Variants in SLC35F4 observed in about 807,000 individuals in gnomAD.
The protein encoded by SLC35F4 is chromosome 14 open reading frame 36.
Under a neutral mutation model 44.2 loss-of-function variants are expected in SLC35F4, and 24 were observed. That is an observed-to-expected ratio of 0.54 (90% CI 0.39 to 0.76). The LOEUF (loss-of-function observed/expected upper bound fraction) is 0.76. Ranked by LOEUF, SLC35F4 falls within the 30% of genes least tolerant of loss-of-function variation. The pLI, the probability that SLC35F4 is intolerant of heterozygous loss-of-function variation, is 0.00. For missense variants in SLC35F4, 562 were observed against 586.1 expected, an observed-to-expected ratio of 0.96 and a Z score of 0.42; for synonymous variants, 238 against 223.6, an observed-to-expected ratio of 1.06 and a Z score of -0.57.
At chr14:57,959,964 G>A (rs1890310185) in intron 1 of SLC35F4, among the ~76,000 whole-genome samples, 1 of 152,154 alleles carries the variant, frequency 6.6e-6, no homozygotes, top group Non-Finnish European at 1.5e-5. Flanking sequence ...CTCCTGCTGG[G>A]AATGGCTGGG....
intron 5 of SLC35F4, among the ~76,000 whole-genome samples, chr14:57,571,358 GCTT>G (rs1213842165): frequency 2.0e-5 from 3 of 152,202 alleles, no homozygotes; most frequent in Admixed American, 2.0e-4. Flanking sequence ...GAGAAAAAGA[GCTT>G]CTTCATTTTG....
chr14:57,730,942 C>T (rs563376749), intron 1 of SLC35F4, among the ~76,000 whole-genome samples: 21 of 152,124 alleles, frequency 1.4e-4, no homozygotes, highest in Non-Finnish European at 2.6e-4. Context: ...TCTCAGAATG[C>T]GCCCTGTGTT....
intron 1 of SLC35F4, among the ~76,000 whole-genome samples, chr14:57,900,104 G>A (rs931630781): frequency 8.5e-6 from 1 of 118,120 alleles, no homozygotes; most frequent in Non-Finnish European, 1.9e-5. Flanking sequence ...GCACTGATTG[G>A]TGCATTTTAC....
intron 1 of SLC35F4, among the ~76,000 whole-genome samples, chr14:57,675,992 G>A (rs993554294): frequency 1.3e-5 from 2 of 151,948 alleles, no homozygotes; most frequent in Non-Finnish European, 2.9e-5. Flanking sequence ...AAACTAAAAC[G>A]CTCAGCAAAG....
chr14:57,650,489 C>A (rs1366768559), intron 1 of SLC35F4, among the ~76,000 whole-genome samples: 1 of 152,126 alleles, frequency 6.6e-6, no homozygotes, highest in Admixed American at 6.6e-5. Context: ...GCCCAAAACA[C>A]ACCTCAACTA....
intron 1 of SLC35F4, among the ~76,000 whole-genome samples, chr14:57,730,044 G>A (rs1174474029): frequency 6.6e-6 from 1 of 152,136 alleles, no homozygotes; most frequent in Non-Finnish European, 1.5e-5. Context: ...CTCCCCATAG[G>A]GCACAGATGG....
chr14:57,641,583 G>T (rs1357887383), intron 1 of SLC35F4, among the ~76,000 whole-genome samples: 3 of 151,924 alleles, frequency 2.0e-5, no homozygotes, highest in Non-Finnish European at 4.4e-5. Context: ...CCACAAAATG[G>T]ATAAACTGGG....
chr14:57,618,939 G>T (rs566416489), intron 1 of SLC35F4, among the ~76,000 whole-genome samples: 2 of 152,240 alleles, frequency 1.3e-5, no homozygotes, highest in South Asian at 4.1e-4. Flanking sequence ...TTCGAACTGG[G>T]TGGAGCCCAC....
chr14:57,717,403 G>A (rs754086435), intron 1 of SLC35F4, among the ~76,000 whole-genome samples: 13 of 152,146 alleles, frequency 8.5e-5, no homozygotes, highest in African/African-American at 1.9e-4. Context: ...TTGGGAGGCC[G>A]AGACAGGCGG....
intron 1 of SLC35F4, among the ~76,000 whole-genome samples, chr14:57,689,861 A>T (rs1460387879): frequency 1.3e-5 from 2 of 152,152 alleles, no homozygotes; most frequent in African/African-American, 4.8e-5. Flanking sequence ...CGTTGTGCAC[A>T]GGTACCCTAA....
chr14:57,667,281 AG>A (rs1352900353), intron 1 of SLC35F4, among the ~76,000 whole-genome samples: 1 of 151,956 alleles, frequency 6.6e-6, no homozygotes, highest in Non-Finnish European at 1.5e-5. Context: ...ACGTTTTTAA[AG>A]GGAGTGTCAA....
At chr14:57,887,032 C>T (rs556358547) in intron 1 of SLC35F4, among the ~76,000 whole-genome samples, 9 of 152,300 alleles carry the variant, frequency 5.9e-5, no homozygotes, top group African/African-American at 2.2e-4. Context: ...CCCTCCACTT[C>T]CTAAAAACCA....
At chr14:57,795,075 G>T (rs535871923) in intron 1 of SLC35F4, among the ~76,000 whole-genome samples, 1 of 152,058 alleles carries the variant, frequency 6.6e-6, no homozygotes, top group Admixed American at 6.6e-5. Context: ...TCCTCAAAAG[G>T]TTGTAACTAG....
chr14:57,642,329 G>A (rs2073286232), intron 1 of SLC35F4, among the ~76,000 whole-genome samples: 1 of 151,872 alleles, frequency 6.6e-6, no homozygotes. Context: ...TTTCAGGGCT[G>A]ATTTTATATT....
At chr14:57,952,759 ACAAAACTTC>A (rs1417150732) in intron 1 of SLC35F4, among the ~76,000 whole-genome samples, 1 of 151,306 alleles carries the variant, frequency 6.6e-6, no homozygotes. Context: ...AAAGGAATGA[ACAAAACTTC>A]CAAGAAATAT....
At chr14:57,862,022 C>T (rs932788476) in intron 1 of SLC35F4, among the ~76,000 whole-genome samples, 6 of 152,162 alleles carry the variant, frequency 3.9e-5, no homozygotes, top group African/African-American at 1.4e-4. Flanking sequence ...TCTACATCTC[C>T]AATTACATTT....
intron 1 of SLC35F4, among the ~76,000 whole-genome samples, chr14:57,938,370 G>A (rs966778466): frequency 6.6e-6 from 1 of 152,184 alleles, no homozygotes; most frequent in Admixed American, 6.5e-5. Context: ...CAGTGTAATT[G>A]AGTGTCCTGG....
intron 1 of SLC35F4, among the ~76,000 whole-genome samples, chr14:57,650,847 C>T (rs2073752848): frequency 6.6e-6 from 1 of 152,084 alleles, no homozygotes; most frequent in Non-Finnish European, 1.5e-5. Context: ...CAAGTTTGTT[C>T]ATGTATCAAG....
intron 1 of SLC35F4, among the ~76,000 whole-genome samples, chr14:57,981,479 G>A (rs1881380760): frequency 6.6e-6 from 1 of 152,090 alleles, no homozygotes; most frequent in Non-Finnish European, 1.5e-5. Context: ...TTGCGCTAAT[G>A]GATGGGATTT....
Sources: gnomAD v4.1 joint callset for allele counts (sites outside exome capture counted in the v4.1 genomes callset) on GRCh38, gnomAD v4.1.1 for gene constraint, MANE v1.5 for transcripts, NCBI Gene and HGNC (gene_info 2026-07-23, HGNC 2026-07-21) for gene names.